Variants in SRRM4 observed in about 807,000 individuals in gnomAD.
SRRM4 encodes serine/arginine repetitive matrix protein 4.
A neutral mutation model predicts 68.9 loss-of-function variants in SRRM4; 33 were observed. That is an observed-to-expected ratio of 0.48 (90% CI 0.36 to 0.64). SRRM4 has a LOEUF of 0.64. Among genes scored for constraint, SRRM4 ranks in the 30% least tolerant of loss-of-function variants. The pLI, the probability that SRRM4 is intolerant of heterozygous loss-of-function variation, is 0.00. For missense variants in SRRM4, 817 were observed against 827.1 expected, an observed-to-expected ratio of 0.99 and a Z score of 0.15; for synonymous variants, 318 against 318.8, an observed-to-expected ratio of 1.00 and a Z score of 0.03.
intron 1 of SRRM4, among the ~76,000 whole-genome samples, chr12:119,093,003 G>A (rs1592895310): frequency 6.6e-6 from 1 of 152,164 alleles, no homozygotes; most frequent in East Asian, 1.9e-4. Context: ...GCTCCACTCT[G>A]CCTGTTATGT....
At position 118,989,647 on chromosome 12, in the gene SRRM4, T is replaced by C. The variant is rs76983783; in HGVS notation, c.131+7634T>C. 814 of 151,884 alleles carry C rather than the reference T, an allele frequency of 5.4e-3. 4 individuals are homozygous for C. The highest frequency in any genetic ancestry group is 0.017 in the Middle Eastern group (5 of 296). 9.4% of individuals were successfully genotyped at this position (151,884 alleles called of 1,614,324 possible). The stretch of plus-strand genomic sequence containing the variant: ...AATAGAACACTGAATTAAGATGTCA[T>C]AGAGACAAAGCCAAACCAAATACAG... On this transcript the variant is annotated intron_variant, in intron 1 of 12. Coordinates refer to ENST00000267260, the MANE Select transcript of SRRM4 (RefSeq NM_194286.4).
chr12:119,044,960 C>T (rs912401839), intron 1 of SRRM4, among the ~76,000 whole-genome samples: 80 of 152,222 alleles, frequency 5.3e-4, no homozygotes, highest in African/African-American at 1.8e-3. Context: ...AATTACTTTG[C>T]TGTGCCTCAG....
At chr12:119,078,006 T>C (rs1459701771) in intron 1 of SRRM4, among the ~76,000 whole-genome samples, 1 of 151,248 alleles carries the variant, frequency 6.6e-6, no homozygotes, top group African/African-American at 2.4e-5. Flanking sequence ...TATGCTCAAA[T>C]GCATCTAGGC....
In SRRM4 at chr12:119,130,758, A is replaced by G. The variant is rs1051992239; in HGVS notation, c.695A>G (p.Asp232Gly). ...CGCTGCTCCAAGACCCTCTGCAAGG[A>G]CAGCCCTGAGGCCCAGTCCAGTCGC... ...SRRCSKTLCKDSPEAQSSRPP... is the reference protein window; with the variant it reads ...SRRCSKTLCKGSPEAQSSRPP... The change falls in exon 8 of 13, where the codon GAC becomes GGC. Residue 232 changes from aspartate (D) to glycine (G), a missense_variant. By Grantham distance (94) the Asp-to-Gly change is moderately conservative. Coordinates refer to ENST00000267260, the MANE Select transcript of SRRM4 (RefSeq NM_194286.4). The G allele has an allele frequency of 1.2e-5, 19 of 1,610,848 alleles. No homozygotes were observed. Among genetic ancestry groups the G allele is most frequent in the Non-Finnish European group, 1.5e-5 (18 of 1,179,860 alleles).
rs1565923239 is a variant in SRRM4, at chr12:119,162,937, T to C, written c.*6139T>C. ...TGCCCAGTGACACAGCAGCCATGGC[T>C]AGCTTGATTTCTGGTCTCCAAAGCT... On this transcript the variant is annotated 3_prime_UTR_variant, in exon 13 of 13. Coordinates refer to ENST00000267260, the MANE Select transcript of SRRM4 (RefSeq NM_194286.4). 1 of 152,244 alleles carries C rather than the reference T, an allele frequency of 6.6e-6. No homozygotes were observed. Among genetic ancestry groups the C allele is most frequent in the South Asian group, 2.1e-4 (1 of 4,824 alleles). 9.4% of individuals were successfully genotyped at this position (152,244 alleles called of 1,614,324 possible).
Position 119,144,304 on chromosome 12 carries a change from T to G in SRRM4, c.772-1077T>G, listed in dbSNP as rs1181981882. On this transcript the variant is annotated intron_variant, in intron 8 of 12. Coordinates refer to ENST00000267260, the MANE Select transcript of SRRM4 (RefSeq NM_194286.4). The stretch of plus-strand genomic sequence containing the variant: ...TTCCACAAGGGTTTCCTGCTCCAAC[T>G]TGGGCCCTAAGGGATTGATTAGGTT... Among the ~76,000 whole-genome samples the G allele has an allele frequency of 4.6e-5, 7 of 152,316 alleles. No homozygotes were observed. The East Asian group carries it at 1.4e-3, about 29-fold the overall frequency.
intron 8 of SRRM4, among the ~76,000 whole-genome samples, chr12:119,131,244 A>G (rs563943700): frequency 6.6e-6 from 1 of 152,318 alleles, no homozygotes; most frequent in South Asian, 2.1e-4. Flanking sequence ...TGCATCTTTT[A>G]TGCCAGCTGG....
chr12:119,135,363 A>G (rs759248422), intron 8 of SRRM4, among the ~76,000 whole-genome samples: 1 of 152,238 alleles, frequency 6.6e-6, no homozygotes. Context: ...TCTTGCCTCC[A>G]GCCTGGGCCA....
intron 7 of SRRM4, among the ~76,000 whole-genome samples, chr12:119,129,514 C>T (rs191599449): frequency 6.6e-6 from 1 of 152,250 alleles, no homozygotes; most frequent in East Asian, 1.9e-4. Context: ...CACAAAGACA[C>T]ACAGTTATAC....
chr12:119,138,102 C>T (rs1954342180), intron 8 of SRRM4, among the ~76,000 whole-genome samples: 1 of 151,968 alleles, frequency 6.6e-6, no homozygotes, highest in African/African-American at 2.4e-5. Flanking sequence ...GCTCATGCCC[C>T]ATCTAAAAGG....
At chr12:119,020,984 G>C (rs916840427) in intron 1 of SRRM4, among the ~76,000 whole-genome samples, 1 of 152,172 alleles carries the variant, frequency 6.6e-6, no homozygotes, top group African/African-American at 2.4e-5. Context: ...GAGACGGTGG[G>C]GGGAGGCGCT....
chr12:119,156,032 G>C (rs2136071043), intron 12 of SRRM4, among the ~76,000 whole-genome samples: 1 of 152,196 alleles, frequency 6.6e-6, no homozygotes, highest in East Asian at 1.9e-4. Flanking sequence ...CATATGACTT[G>C]TCTGTTTATC....
In SRRM4 at chr12:119,130,434, G is replaced by GATGA. The variant is rs949113983; in HGVS notation, c.615-241_615-240insAATG. On this transcript the variant is annotated intron_variant, in intron 7 of 12. Coordinates refer to ENST00000267260, the MANE Select transcript of SRRM4 (RefSeq NM_194286.4). ...AGATGGATGGATGGATGGATGGATG[G>GATGA]ATGGATGGATGGTTAAATGGATGAA... is the stretch of plus-strand genomic sequence containing the variant. Among the ~76,000 whole-genome samples the GATGA allele has an allele frequency of 2.4e-4, 36 of 152,188 alleles. No individual in the cohort carries two copies. In the South Asian group the frequency reaches 6.0e-3, roughly 25 times the overall value.
At chr12:119,126,271 G>A (rs577333012) in intron 7 of SRRM4, among the ~76,000 whole-genome samples, 55 of 152,010 alleles carry the variant, frequency 3.6e-4, no homozygotes, top group African/African-American at 1.3e-3. Context: ...TGATCCAACC[G>A]TCTCGGCCTC....
At chr12:119,130,948 TC>T in intron 8 of SRRM4, 114 bp downstream of exon 8, 2 of 1,104,246 alleles carry the variant, frequency 1.8e-6, no homozygotes, top group African/African-American at 1.6e-5. Flanking sequence ...TGACAAAATA[TC>T]CCACTGGCTC....
In SRRM4 at chr12:119,161,808, C is replaced by T. The variant is rs1210296600; in HGVS notation, c.*5010C>T. The T allele has an allele frequency of 6.6e-6, 1 of 152,282 alleles. No homozygotes were observed. Among genetic ancestry groups the T allele is most frequent in the African/African-American group, 2.4e-5 (1 of 41,314 alleles). The allele number at this position is 152,282 out of a possible 1,614,324, so 9.4% of individuals were successfully genotyped here. A position where few individuals can be genotyped will look rare whatever the true frequency, so the allele number is the denominator to read the frequency against. On this transcript the variant is annotated 3_prime_UTR_variant, in exon 13 of 13. Coordinates refer to ENST00000267260, the MANE Select transcript of SRRM4 (RefSeq NM_194286.4). ...AAACACTGGTTATCTCCAGGAAAAC[C>T]TCATTTAGATGGAAATTAATGGAAG...
rs34680171 is a variant in SRRM4 at position 119,126,014 on chromosome 12, C to CTTTTT, written c.614+558_614+562dup. Among the ~76,000 whole-genome samples the CTTTTT allele has an allele frequency of 1.1e-4, 8 of 71,134 alleles. 1 individual carries two copies. Among genetic ancestry groups the CTTTTT allele is most frequent in the African/African-American group, 4.0e-4 (7 of 17,698 alleles). 46.7% of individuals were successfully genotyped at this position (71,134 alleles called of 152,430 possible). A position where few individuals can be genotyped will look rare whatever the true frequency, so the allele number is the denominator to read the frequency against. On this transcript the variant is annotated intron_variant, in intron 7 of 12. Transcript: ENST00000267260. ...AGGAATGACAACACCATACTAGCTGCTTTTTTTTTTTTTTTTTTTTTTTTT... is the reference window on the plus strand; with the variant it reads ...AGGAATGACAACACCATACTAGCTGCTTTTTTTTTTTTTTTTTTTTTTTTTTTTTT...
intron 1 of SRRM4, among the ~76,000 whole-genome samples, chr12:118,995,812 T>C: frequency 6.6e-6 from 1 of 152,148 alleles, no homozygotes; most frequent in East Asian, 1.9e-4. Context: ...TTATCATGCA[T>C]TTACTCATCA....
At chr12:119,009,404 C>T (rs1953435586) in intron 1 of SRRM4, among the ~76,000 whole-genome samples, 1 of 152,174 alleles carries the variant, frequency 6.6e-6, no homozygotes, top group Non-Finnish European at 1.5e-5. Context: ...CAGATCTCTC[C>T]CACTCAGGGG....
Sources: allele counts gnomAD v4.1 joint callset (sites outside exome capture counted in the v4.1 genomes callset), GRCh38; gene constraint gnomAD v4.1.1; transcripts MANE v1.5; gene names NCBI Gene and HGNC (gene_info 2026-07-23, HGNC 2026-07-21).